The following ITIH6 variants were observed in gnomAD, a reference collection of about 807,000 sequenced individuals.
ITIH6 encodes the protein inter-alpha-trypsin inhibitor heavy chain H6.
ITIH6 carries 60 observed loss-of-function variants against 58.2 expected under a neutral mutation model. The ratio of observed to expected loss-of-function variants is 1.03; its 90% CI spans 0.84 to 1.28. ITIH6 has a LOEUF of 1.28. ITIH6 is among the 50% of genes most tolerant of loss of function. The pLI is 0.00. For synonymous variants in ITIH6, 493 were observed against 417.4 expected, an observed-to-expected ratio of 1.18 and a Z score of -2.21; for missense variants, 1,290 against 1,021.1, an observed-to-expected ratio of 1.26 and a Z score of -3.59.
At chrX:54,794,731 C>T (rs1405952059) in intron 2 of ITIH6, among the ~76,000 whole-genome samples, 1 of 111,378 alleles carries the variant, frequency 9.0e-6, no homozygotes. Flanking sequence ...AGAACCTCCT[C>T]CCAACTAACA....
At chrX:54,797,329 G>A (rs1929460897) in intron 1 of ITIH6, among the ~76,000 whole-genome samples, 1 of 111,879 alleles carries the variant, frequency 8.9e-6, no homozygotes, top group South Asian at 3.7e-4. Flanking sequence ...GAGATCAAGG[G>A]ACCTCTCTGG....
At position 54,758,823 on chromosome X, in the gene ITIH6, C is replaced by T. The variant is rs1365805681; in HGVS notation, c.1251G>A (p.Ala417=). 6 of 1,209,261 alleles carry T rather than the reference C, an allele frequency of 5.0e-6. No homozygotes were observed. Among genetic ancestry groups the T allele is most frequent in the Admixed American group, 2.2e-5 (1 of 45,717 alleles). Residue 417 remains alanine (A), a synonymous_variant, in exon 8 of 13, where the codon GCG becomes GCA. Coordinates refer to ENST00000218436, the MANE Select transcript of ITIH6 (RefSeq NM_198510.3). ...TGAAAAGGGATACCCTGTGGCCTAG[C>T]GCCTGACGGACATTGGAGAGGATCA... is the stretch of plus-strand genomic sequence containing the variant. ...PSVILSNVRQ[A]LGHRVSLFSL... is the part of the protein sequence containing the mutation.
Position 54,749,796 on chromosome X carries a change from G to A in ITIH6, c.*99C>T. ...TGCGTGAGTCTGTGTGTCCCTGTGT[G>A]TGCTTCCATGTCCTTGGGTCTCTGT... On this transcript the variant is annotated 3_prime_UTR_variant, in exon 13 of 13. Coordinates refer to ENST00000218436, the MANE Select transcript of ITIH6 (RefSeq NM_198510.3). 1.6e-6 allele frequency: 1 copy of A among 628,307 alleles called. No individual in the cohort carries two copies. The highest frequency in any genetic ancestry group is 2.9e-5 in the South Asian group (1 of 34,625). 51.8% of individuals were successfully genotyped at this position (628,307 alleles called of 1,213,427 possible). A position where few individuals can be genotyped will look rare whatever the true frequency, so the allele number is the denominator to read the frequency against.
At chrX:54,769,551 G>C (rs1176719329) in intron 6 of ITIH6, among the ~76,000 whole-genome samples, 4 of 106,545 alleles carry the variant, frequency 3.8e-5, no homozygotes, top group African/African-American at 1.4e-4. Flanking sequence ...GTACAGATGG[G>C]TTTTCAGTGT....
intron 2 of ITIH6, among the ~76,000 whole-genome samples, chrX:54,795,993 T>C (rs970157310): frequency 8.9e-6 from 1 of 111,746 alleles, no homozygotes; most frequent in Admixed American, 9.5e-5. Context: ...GCCTTCTGAG[T>C]AGCTGAGACT....
intron 6 of ITIH6, among the ~76,000 whole-genome samples, chrX:54,762,219 TC>T (rs1486712599): frequency 8.9e-6 from 1 of 111,746 alleles, no homozygotes; most frequent in Non-Finnish European, 1.9e-5. Flanking sequence ...GGGAGTTCAC[TC>T]ATGATTTGGC....
Position 54,798,135 on chromosome X carries a change from G to A in ITIH6, c.76C>T (p.Pro26Ser), listed in dbSNP as rs1301411793. The change falls in exon 1 of 13, where the codon CCT becomes TCT. Residue 26 changes from proline (P) to serine (S), a missense_variant. By Grantham distance (74) the Pro-to-Ser change is moderately conservative. Transcript: ENST00000218436. The stretch of plus-strand genomic sequence containing the variant: ...TTTGTGCTTGATGAAGCGGGGACAG[G>A]GGGTCCCTGGTATGTCAGTTCAAGA... Reference protein sequence around the residue: ...ILLELTYQGPPVPASSSTKLL... With the variant: ...ILLELTYQGPSVPASSSTKLL... 1 of 1,190,479 alleles carries A rather than the reference G, an allele frequency of 8.4e-7. No homozygotes were observed. Among genetic ancestry groups the A allele is most frequent in the African/African-American group, 1.8e-5 (1 of 56,859 alleles).
At position 54,751,113 on chromosome X, in the gene ITIH6, A is replaced by G; in HGVS notation, c.3620T>C (p.Phe1207Ser). Residue 1207 changes from phenylalanine to serine, a missense_variant, in exon 12 of 13, where the codon TTC (phenylalanine) becomes TCC (serine). Transcript: ENST00000218436. ...CCTGTAGCGGTGTCGGAGGACTAGG[A>G]ACTCAAGGTAGGGCCCAAGGCGGAG... The part of the protein sequence containing the change: ...LTLRLGPYLE[F>S]LVLRHRYRHP... 8.3e-7 allele frequency: 1 copy of G among 1,208,313 alleles called. No homozygotes were observed. The highest frequency in any genetic ancestry group is 1.1e-6 in the Non-Finnish European group (1 of 893,870).
intron 6 of ITIH6, among the ~76,000 whole-genome samples, chrX:54,770,977 ATTCTAGGCTGGTGG>A (rs1316971384): frequency 9.0e-6 from 1 of 111,710 alleles, no homozygotes; most frequent in Non-Finnish European, 1.9e-5. Flanking sequence ...TGTATACAGA[ATTCTAGGCTGGTGG>A]GTTTTTTCCT....
chrX:54,759,936 T>C lies in ITIH6; in HGVS notation c.904-9A>G. The C allele has an allele frequency of 8.4e-7, 1 of 1,195,965 alleles. No individual in the cohort carries two copies. Among genetic ancestry groups the C allele is most frequent in the Non-Finnish European group, 1.1e-6 (1 of 884,625 alleles). On this transcript the variant is annotated splice_polypyrimidine_tract_variant and intron_variant, in intron 6 of 12. Coordinates refer to ENST00000218436, the MANE Select transcript of ITIH6 (RefSeq NM_198510.3). ...TTCATGGCCGTTTTAGTCTGTGGGA[T>C]ATGGATGAAATGAAGAGAATGGGAC... is the stretch of plus-strand genomic sequence containing the variant.
chrX:54,791,036 G>T lies in ITIH6; in HGVS notation c.417C>A (p.Gly139=). The T allele has an allele frequency of 8.3e-7, 1 of 1,211,518 alleles. No homozygotes were observed. The highest frequency in any genetic ancestry group is 1.1e-6 in the Non-Finnish European group (1 of 895,171). Residue 139 remains glycine (G), a synonymous_variant, in exon 4 of 13, where the codon GGC becomes GGA. Coordinates refer to ENST00000218436, the MANE Select transcript of ITIH6 (RefSeq NM_198510.3). ...AGGCCAGGGAAAAAGTCACCTCTGT[G>T]CCTGCTGCCAGGCTGGTGGAGATGC... ...KFRISTSLAA[G]TEVTFSLAYE...
At position 54,751,220 on chromosome X, in the gene ITIH6, G is replaced by C. The variant is rs1347044960; in HGVS notation, c.3513C>G (p.Thr1171=). Residue 1171 remains threonine (T), a synonymous_variant, in exon 12 of 13, where the codon ACC becomes ACG. Transcript: ENST00000218436. ...CAGGTTGGTCCCAGGACAGGCGCAAGGTACCCTCGCCTCGCAAAGATATAG... is the reference window on the plus strand; with the variant it reads ...CAGGTTGGTCCCAGGACAGGCGCAACGTACCCTCGCCTCGCAAAGATATAG... The part of the protein sequence containing the change: ...RSSISLRGEG[T]LRLSWDQPAL... 4 of 1,211,954 alleles carry C rather than the reference G, an allele frequency of 3.3e-6. No homozygotes were observed. The African/African-American group carries it at 5.2e-5, about 16-fold the overall frequency.
chrX:54,753,661 G>A lies in ITIH6; in HGVS notation c.3342C>T (p.Asp1114=). The A allele has an allele frequency of 8.3e-7, 1 of 1,204,851 alleles. No individual in the cohort carries two copies. The highest frequency in any genetic ancestry group is 1.1e-6 in the Non-Finnish European group (1 of 889,580). Residue 1114 remains aspartate, a synonymous_variant, in exon 11 of 13, where the codon GAC becomes GAT. Transcript: ENST00000218436. ...HPGDLLQLIE[D]PKAGLHVSGK... Reference sequence around the variant, plus strand: ...TCTTGGGGCTCTTACCTGCCTTTGGGTCCTCTATGAGCTGCAGCAAGTCCC... The same window carrying A: ...TCTTGGGGCTCTTACCTGCCTTTGGATCCTCTATGAGCTGCAGCAAGTCCC...
At chrX:54,776,907 G>T (rs1318347629) in intron 5 of ITIH6, among the ~76,000 whole-genome samples, 1 of 112,091 alleles carries the variant, frequency 8.9e-6, no homozygotes, top group African/African-American at 3.2e-5. Flanking sequence ...TTTTACAAAA[G>T]TAGAGGAGAA....
Position 54,749,627 on chromosome X carries a change from T to C in ITIH6, c.*268A>G, listed in dbSNP as rs925553276. 4 of 301,262 alleles carry C rather than the reference T, an allele frequency of 1.3e-5. No individual in the cohort carries two copies. The highest frequency in any genetic ancestry group is 1.1e-4 in the African/African-American group (4 of 36,470). The allele number at this position is 301,262 out of a possible 1,213,427, so 24.8% of individuals were successfully genotyped here. ...TGATCATTTTTTCGTTTTACAAAAG[T>C]GGCTTGTAGGGCTGGTGAGGAGCAT... is the stretch of plus-strand genomic sequence containing the variant. On this transcript the variant is annotated 3_prime_UTR_variant, in exon 13 of 13. Transcript: ENST00000218436.
intron 5 of ITIH6, among the ~76,000 whole-genome samples, chrX:54,776,514 C>T (rs1207840955): frequency 3.6e-5 from 4 of 109,750 alleles, no homozygotes; most frequent in African/African-American, 1.0e-4. Flanking sequence ...GGCTCCACAG[C>T]TTGTGGCTCC....
At chrX:54,778,851 C>T (rs1369469337) in intron 5 of ITIH6, among the ~76,000 whole-genome samples, 1 of 111,308 alleles carries the variant, frequency 9.0e-6, no homozygotes, top group Non-Finnish European at 1.9e-5. Flanking sequence ...ATCAAACTCC[C>T]AAAGGACAAG....
intron 8 of ITIH6, 111 bp from the exon 9 acceptor site, chrX:54,755,220 C>T: frequency 1.7e-6 from 1 of 584,635 alleles, no homozygotes; most frequent in East Asian, 3.4e-5. Flanking sequence ...CTGCCCATCT[C>T]CAGGACTGGG....
In ITIH6 at chrX:54,757,451, C is replaced by T. The variant is rs767874579; in HGVS notation, c.2623G>A (p.Glu875Lys). 2.4e-5 allele frequency: 29 copies of T among 1,210,702 alleles called. No homozygotes were observed. The highest frequency in any genetic ancestry group is 3.1e-5 in the Non-Finnish European group (28 of 895,065). The change falls in exon 8 of 13, where the codon GAG becomes AAG. Residue 875 changes from glutamate (E) to lysine (K), a missense_variant. Coordinates refer to ENST00000218436, the MANE Select transcript of ITIH6 (RefSeq NM_198510.3). ...TGAGGCATATGGGGGTTTGGGGTCTCAGGCTTGGAAAGTGATATGCTTGTG... is the reference window on the plus strand; with the variant it reads ...TGAGGCATATGGGGGTTTGGGGTCTTAGGCTTGGAAAGTGATATGCTTGTG... ...ISTSISLSKP[E>K]TPNPHMPQTP...
Sources: gnomAD v4.1 joint callset for allele counts (sites outside exome capture counted in the v4.1 genomes callset) on GRCh38, gnomAD v4.1.1 for gene constraint, MANE v1.5 for transcripts, NCBI Gene and HGNC (gene_info 2026-07-23, HGNC 2026-07-21) for gene names.